NPAS3: variants seen among roughly 807,000 people sequenced by gnomAD.
NPAS3 encodes neuronal PAS domain protein 3.
NPAS3 carries 14 observed loss-of-function variants against 73.1 expected under a neutral mutation model. The observed-to-expected ratio is 0.19, with a 90% CI of 0.13 to 0.30. The LOEUF (loss-of-function observed/expected upper bound fraction) is 0.30, where lower values mean the gene tolerates loss of function less well. NPAS3 is among the 10% of genes least tolerant of loss of function. The probability of loss-of-function intolerance (pLI) is 1.00; values close to 1 mark genes in which losing one functional copy is unlikely to be tolerated. For synonymous variants in NPAS3, 620 were observed against 541.5 expected (o/e 1.14, Z -2.01); for missense variants, 1,096 against 1,250.0 (o/e 0.88, Z 1.86).
rs375084337 is a variant in NPAS3, at chr14:33,170,704, TC to T, written c.141-44476del. Among the ~76,000 whole-genome samples, 20 of 152,334 alleles carry T rather than the reference TC, an allele frequency of 1.3e-4. 1 individual carries two copies. Among genetic ancestry groups the T allele is most frequent in the African/African-American group, 4.6e-4 (19 of 41,590 alleles). On this transcript the variant is annotated intron_variant, in intron 2 of 11. Transcript: ENST00000356141. ...CTCAAGAAACAAGTTTCTTTGCTCA[TC>T]CATAAGAAGCCACTCCTCATCTGTT...
intron 4 of NPAS3, among the ~76,000 whole-genome samples, chr14:33,431,167 T>C (rs112787210): frequency 1.3e-5 from 2 of 152,206 alleles, no homozygotes; most frequent in African/African-American, 2.4e-5. Context: ...TTTCCATGTT[T>C]GAGATAATAA....
intron 6 of NPAS3, among the ~76,000 whole-genome samples, chr14:33,730,043 A>T (rs1467350402): frequency 6.6e-6 from 1 of 152,164 alleles, no homozygotes; most frequent in Non-Finnish European, 1.5e-5. Context: ...ATACACACAT[A>T]TATAAATAGA....
intron 4 of NPAS3, among the ~76,000 whole-genome samples, chr14:33,410,407 C>T (rs1479695282): frequency 6.6e-6 from 1 of 152,190 alleles, no homozygotes; most frequent in Non-Finnish European, 1.5e-5. Flanking sequence ...GCTGCCTACT[C>T]CTAAATTGTC....
intron 2 of NPAS3, among the ~76,000 whole-genome samples, chr14:33,137,729 A>AT (rs34836222): frequency 1.3e-5 from 2 of 152,232 alleles, no homozygotes; most frequent in African/African-American, 4.8e-5. Context: ...TAAATTTAAC[A>AT]TCTCAAGAAT....
At chr14:33,801,126 G>A (rs766764670), downstream of NPAS3, 8 of 1,555,940 alleles carry the variant, frequency 5.1e-6, no homozygotes, top group Admixed American at 1.6e-4. Flanking sequence ...GCCCGTCCTG[G>A]GCCCGGCCAG....
At chr14:33,467,840 T>G (rs767078736) in intron 4 of NPAS3, among the ~76,000 whole-genome samples, 2 of 152,218 alleles carry the variant, frequency 1.3e-5, no homozygotes, top group Admixed American at 6.5e-5. Context: ...CATTGTTGTC[T>G]CTGAGTTTTT....
intron 3 of NPAS3, among the ~76,000 whole-genome samples, chr14:33,244,076 T>TAG (rs2048298999): frequency 6.6e-6 from 1 of 152,108 alleles, no homozygotes; most frequent in African/African-American, 2.4e-5. Flanking sequence ...GTTGGGTGTC[T>TAG]TTTGCACTAG....
In NPAS3 at chr14:33,312,468, G is replaced by A. The variant is rs116998890; in HGVS notation, c.386-54718G>A. 3.5e-3 allele frequency among the ~76,000 whole-genome samples: 537 copies of A among 152,038 alleles called. 3 individuals carry two copies. The highest frequency in any genetic ancestry group is 0.01 in the Middle Eastern group (3 of 294). ...CCTGTAGGCTCTTGTAACAACGGGA[G>A]TAATATATTTTATTTTTTTGAAATC... On this transcript the variant is annotated intron_variant, in intron 3 of 11. Coordinates refer to ENST00000356141, the Ensembl canonical transcript of NPAS3.
intron 3 of NPAS3, among the ~76,000 whole-genome samples, chr14:33,335,455 G>A (rs1415917884): frequency 6.6e-6 from 1 of 152,112 alleles, no homozygotes; most frequent in Non-Finnish European, 1.5e-5. Flanking sequence ...CATTTTGTTT[G>A]TAAGAGAATT....
chr14:33,669,954 C>T (rs144646724), intron 5 of NPAS3, among the ~76,000 whole-genome samples: 161 of 152,130 alleles, frequency 1.1e-3, no homozygotes, highest in Middle Eastern at 6.8e-3. Flanking sequence ...TCACTCTTGT[C>T]ACCCAGGCTG....
chr14:33,056,637 C>T (rs1334655575), intron 2 of NPAS3, among the ~76,000 whole-genome samples: 1 of 152,210 alleles, frequency 6.6e-6, no homozygotes, highest in Admixed American at 6.5e-5. Context: ...GAAGTAAACA[C>T]TCTGCTCTGG....
chr14:33,221,867 C>T (rs1383149020), intron 3 of NPAS3, among the ~76,000 whole-genome samples: 1 of 151,990 alleles, frequency 6.6e-6, no homozygotes, highest in East Asian at 1.9e-4. Flanking sequence ...ATAACTTTTC[C>T]TCGCCTATCA....
chr14:33,517,175 G>A (rs553390516), intron 4 of NPAS3, among the ~76,000 whole-genome samples: 2 of 152,094 alleles, frequency 1.3e-5, no homozygotes, highest in South Asian at 4.1e-4. Flanking sequence ...TCATGATACT[G>A]GCCAACTTCT....
chr14:33,642,514 T>G (rs950440212), intron 5 of NPAS3, among the ~76,000 whole-genome samples: 5 of 152,190 alleles, frequency 3.3e-5, no homozygotes, highest in Non-Finnish European at 1.5e-5. Context: ...TTGTGATTGT[T>G]TATAGATCAT....
chr14:33,190,592 G>A (rs965786525), intron 2 of NPAS3, among the ~76,000 whole-genome samples: 1 of 152,190 alleles, frequency 6.6e-6, no homozygotes, highest in African/African-American at 2.4e-5. Context: ...AGAAGAAAAC[G>A]TGAAGAAAAT....
chr14:33,388,504 C>T (rs902689847), intron 4 of NPAS3, among the ~76,000 whole-genome samples: 7 of 148,240 alleles, frequency 4.7e-5, no homozygotes, highest in African/African-American at 7.5e-5. Context: ...TGAATGGGGG[C>T]GGGGGGCAGA....
chr14:33,483,922 T>TTC (rs755025686), intron 4 of NPAS3, among the ~76,000 whole-genome samples: 1 of 152,186 alleles, frequency 6.6e-6, no homozygotes, highest in Non-Finnish European at 1.5e-5. Flanking sequence ...CTTCCTGGTT[T>TTC]TGTAACTTTA....
chr14:33,418,418 A>G (rs1273340503), intron 4 of NPAS3, among the ~76,000 whole-genome samples: 1 of 151,978 alleles, frequency 6.6e-6, no homozygotes, highest in East Asian at 1.9e-4. Flanking sequence ...CAGTGTATTA[A>G]CAACCAAGCC....
intron 4 of NPAS3, among the ~76,000 whole-genome samples, chr14:33,461,803 CT>C (rs1236367282): frequency 6.6e-6 from 1 of 152,224 alleles, no homozygotes; most frequent in Non-Finnish European, 1.5e-5. Context: ...ACTAGAGCCC[CT>C]GATTCAAATC....
Sources: gnomAD v4.1 joint callset for allele counts (sites outside exome capture counted in the v4.1 genomes callset) on GRCh38, gnomAD v4.1.1 for gene constraint, MANE v1.5 for transcripts, NCBI Gene and HGNC (gene_info 2026-07-23, HGNC 2026-07-21) for gene names.